ABL1: variants seen among roughly 807,000 people sequenced by gnomAD.
ABL1 encodes tyrosine-protein kinase ABL1.
ABL1 carries 11 observed loss-of-function variants against 94.7 expected under a neutral mutation model. The ratio of observed to expected loss-of-function variants is 0.12; its 90% CI spans 0.07 to 0.19. The LOEUF is 0.19. Among genes scored for constraint, ABL1 ranks in the 10% least tolerant of loss-of-function variants. The pLI, the probability that ABL1 is intolerant of heterozygous loss-of-function variation, is 1.00. For synonymous variants in ABL1, 656 were observed against 622.4 expected (o/e 1.05, Z -0.80); for missense variants, 1,082 against 1,489.4 (o/e 0.73, Z 4.50).
intron 4 of ABL1, among the ~76,000 whole-genome samples, chr9:130,866,784 C>T (rs967315654): frequency 1.1e-4 from 16 of 152,282 alleles, no homozygotes; most frequent in Admixed American, 1.0e-3. Flanking sequence ...CATAGTCTTG[C>T]TATCTGTGTT....
chr9:130,735,961 A>ATATATATATATATATAT (rs573602038), intron 1 of ABL1, among the ~76,000 whole-genome samples: 1 of 94,846 alleles, frequency 1.1e-5, no homozygotes, highest in African/African-American at 6.4e-5. Flanking sequence ...ATATATATAT[A>ATATATATATATATATAT]TTTTTTTTTT....
At chr9:130,743,019 T>A (rs1331156851) in intron 1 of ABL1, among the ~76,000 whole-genome samples, 1 of 152,196 alleles carries the variant, frequency 6.6e-6, no homozygotes, top group Non-Finnish European at 1.5e-5. Context: ...ACCGTTTTTT[T>A]AAAATCTTGA....
At position 130,757,378 on chromosome 9, in the gene ABL1, C is replaced by T. The variant is rs1330035683; in HGVS notation, c.136+42923C>T. On this transcript the variant is annotated intron_variant, in intron 1 of 10. Transcript: ENST00000372348. Reference sequence around the variant, plus strand: ...GAGTTCAAGACCAGCCTGAGCAACACGATGAAACCTGGTCCCTGTAAAAAA... The same window carrying T: ...GAGTTCAAGACCAGCCTGAGCAACATGATGAAACCTGGTCCCTGTAAAAAA... 2.6e-5 allele frequency among the ~76,000 whole-genome samples: 4 copies of T among 151,900 alleles called. No homozygotes were observed. The South Asian group carries it at 6.2e-4, about 24-fold the overall frequency.
At chr9:130,802,576 C>T (rs1257529107) in intron 1 of ABL1, among the ~76,000 whole-genome samples, 1 of 151,984 alleles carries the variant, frequency 6.6e-6, no homozygotes, top group African/African-American at 2.4e-5. Flanking sequence ...TCCTATTTCC[C>T]CCATTGAGAT....
At chr9:130,878,355 ATGTAG>A in intron 7 of ABL1, 55 bp from the exon 8 acceptor site, 1 of 1,586,786 alleles carries the variant, frequency 6.3e-7, no homozygotes. Context: ...CTGATTTTAA[ATGTAG>A]TGTAGTGAAA....
intron 1 of ABL1, among the ~76,000 whole-genome samples, chr9:130,803,480 G>A (rs1355122499): frequency 2.0e-5 from 3 of 152,144 alleles, no homozygotes; most frequent in Non-Finnish European, 4.4e-5. Context: ...ATTGTTAAAG[G>A]CAATAATTTG....
chr9:130,884,551 G>T lies in ABL1; in HGVS notation c.2261G>T (p.Gly754Val). 2 of 1,613,216 alleles carry T rather than the reference G, an allele frequency of 1.2e-6. No homozygotes were observed. The highest frequency in any genetic ancestry group is 1.7e-6 in the Non-Finnish European group (2 of 1,180,036). ...CAGTTTGACTCGTCCACATTTGGAG[G>T]GCACAAAAGTGAGAAGCCGGCTCTG... ...GRQFDSSTFG[G>V]HKSEKPALPR... Residue 754 changes from glycine to valine, a missense_variant, in exon 11 of 11, where the codon GGG becomes GTG. By Grantham distance (109) the Gly-to-Val change is moderately radical. Coordinates refer to ENST00000318560, the MANE Select transcript of ABL1 (RefSeq NM_005157.6). The surrounding 1 kb of genome is among the most constrained non-coding windows in gnomAD (Gnocchi z 5.6).
At chr9:130,804,046 G>A (rs1025359404) in intron 1 of ABL1, among the ~76,000 whole-genome samples, 23 of 151,314 alleles carry the variant, frequency 1.5e-4, no homozygotes, top group Non-Finnish European at 2.7e-4. Context: ...AAGAGACTGA[G>A]TGAGACCTCT....
At position 130,884,063 on chromosome 9, in the gene ABL1, C is replaced by T; in HGVS notation, c.1773C>T (p.Leu591=). The change falls in exon 11 of 11, where the codon CTC becomes CTT. Residue 591 remains leucine, a synonymous_variant. Transcript: ENST00000318560. This position sits in a 1 kb window ranked among gnomAD's most constrained non-coding sequence, Gnocchi z 5.6. ...EGGLNEDERL[L]PKDKKTNLFS... is the part of the protein sequence containing the mutation. ...GCCTGAATGAAGATGAGCGCCTTCT[C>T]CCCAAAGACAAAAAGACCAACTTGT... 1 of 1,613,940 alleles carries T rather than the reference C, an allele frequency of 6.2e-7. No homozygotes were observed.
intron 1 of ABL1, among the ~76,000 whole-genome samples, chr9:130,719,573 A>T (rs1222969136): frequency 1.3e-5 from 2 of 152,194 alleles, no homozygotes; most frequent in Non-Finnish European, 2.9e-5. Context: ...AATTGATGAC[A>T]GCCCAACCTG....
At chr9:130,790,396 A>G (rs923549089) in intron 1 of ABL1, among the ~76,000 whole-genome samples, 1 of 152,234 alleles carries the variant, frequency 6.6e-6, no homozygotes, top group African/African-American at 2.4e-5. Flanking sequence ...GCTCCTCACA[A>G]GCATGCTTGT....
chr9:130,749,562 A>C (rs549876527), intron 1 of ABL1, among the ~76,000 whole-genome samples: 2 of 152,320 alleles, frequency 1.3e-5, no homozygotes, highest in Non-Finnish European at 2.9e-5. Flanking sequence ...TACTGTTTAC[A>C]AATATTTGCT....
chr9:130,852,732 A>G (rs900726952), intron 1 of ABL1, among the ~76,000 whole-genome samples: 5 of 152,234 alleles, frequency 3.3e-5, no homozygotes, highest in African/African-American at 1.2e-4. Flanking sequence ...TTGACCCTGT[A>G]ATGAATAATA....
intron 1 of ABL1, among the ~76,000 whole-genome samples, chr9:130,828,209 C>T (rs1309645426): frequency 5.3e-5 from 8 of 152,100 alleles, no homozygotes; most frequent in South Asian, 4.2e-4. Flanking sequence ...ACTACAGGCA[C>T]GCACCACCAC....
chr9:130,799,210 T>G lies in ABL1; in HGVS notation c.137-54854T>G, dbSNP rs1038397993. On this transcript the variant is annotated intron_variant, in intron 1 of 10. Transcript: ENST00000372348. ...GGAGCAGCGTTTGGCCTCTTGGAGG[T>G]GTTTGCACCCATCGGAGATGCTCCA... 3.7e-4 allele frequency among the ~76,000 whole-genome samples: 56 copies of G among 152,136 alleles called. 1 individual carries two copies. The Middle Eastern group carries it at 0.014, about 37-fold the overall frequency.
At chr9:130,715,986 A>G (rs763980589) in intron 1 of ABL1, among the ~76,000 whole-genome samples, 10 of 151,282 alleles carry the variant, frequency 6.6e-5, no homozygotes, top group Non-Finnish European at 1.3e-4. Flanking sequence ...TGCATTCTTC[A>G]TGACGTGCAC....
At chr9:130,877,383 TAG>T (rs1564320652) in intron 7 of ABL1, among the ~76,000 whole-genome samples, 1 of 148,170 alleles carries the variant, frequency 6.7e-6, no homozygotes, top group African/African-American at 2.6e-5. Flanking sequence ...ATGAAATGTT[TAG>T]AGTTAGAAGG....
At chr9:130,878,901 G>A (rs920869049) in intron 8 of ABL1, among the ~76,000 whole-genome samples, 1 of 147,484 alleles carries the variant, frequency 6.8e-6, no homozygotes, top group Admixed American at 6.8e-5. Context: ...TTTTGAGACG[G>A]AGTTTCGCTC....
At chr9:130,876,236 G>A (rs147828459) in intron 7 of ABL1, among the ~76,000 whole-genome samples, 114 of 152,226 alleles carry the variant, frequency 7.5e-4, no homozygotes, top group Middle Eastern at 6.8e-3. Context: ...GTATTGCCAG[G>A]TAGGAATTCT....
Sources: allele counts gnomAD v4.1 joint callset (sites outside exome capture counted in the v4.1 genomes callset), GRCh38; gene constraint gnomAD v4.1.1; non-coding constraint Gnocchi (gnomAD v3.1); transcripts MANE v1.5; gene names NCBI Gene and HGNC (gene_info 2026-07-23, HGNC 2026-07-21).